Variants in UTRN observed in about 807,000 individuals in gnomAD.
UTRN encodes the protein utrophin, also known as dystrophin-related protein 1.
UTRN carries 283 observed loss-of-function variants against 463.9 expected under a neutral mutation model. The observed-to-expected ratio is 0.61, with a 90% CI of 0.55 to 0.67. The LOEUF (loss-of-function observed/expected upper bound fraction) is 0.67, where lower values mean the gene tolerates loss of function less well. Among genes scored for constraint, UTRN ranks in the 30% least tolerant of loss-of-function variants. The probability of loss-of-function intolerance (pLI) is 0.00; values close to 1 mark genes in which losing one functional copy is unlikely to be tolerated. For synonymous variants in UTRN, 1,442 were observed against 1,431.5 expected, an observed-to-expected ratio of 1.01 and a Z score of -0.17; for missense variants, 3,922 against 4,084.3, an observed-to-expected ratio of 0.96 and a Z score of 1.08.
At chr6:144,561,566 T>C (rs1445991591) in intron 50 of UTRN, among the ~76,000 whole-genome samples, 2 of 152,074 alleles carry the variant, frequency 1.3e-5, no homozygotes, top group Non-Finnish European at 1.5e-5. Context: ...ACCTTGCCTA[T>C]GTTAAGGTAT....
chr6:144,511,187 A>T, intron 35 of UTRN, 64 bp downstream of exon 35: 1 of 1,364,610 alleles, frequency 7.3e-7, no homozygotes, highest in Admixed American at 2.8e-5. Flanking sequence ...TTTTAAATGA[A>T]TACAACTTTG....
At chr6:144,776,826 A>T (rs1775366826) in intron 60 of UTRN, among the ~76,000 whole-genome samples, 1 of 152,188 alleles carries the variant, frequency 6.6e-6, no homozygotes, top group Non-Finnish European at 1.5e-5. Context: ...ATTAAAAGTA[A>T]TGGCAAAAAC....
chr6:144,783,195 CAAA>C (rs11354387), intron 61 of UTRN, among the ~76,000 whole-genome samples: 3 of 135,740 alleles, frequency 2.2e-5, no homozygotes, highest in Admixed American at 7.7e-5. Context: ...GACTCTGTCT[CAAA>C]AAAAAAAAAA....
intron 63 of UTRN, among the ~76,000 whole-genome samples, chr6:144,795,752 CT>C (rs1194915943): frequency 6.6e-6 from 1 of 151,838 alleles, no homozygotes; most frequent in Non-Finnish European, 1.5e-5. Flanking sequence ...TTTAAGTTCT[CT>C]GTAGATTCTG....
At chr6:144,546,430 A>G (rs543716971) in intron 46 of UTRN, among the ~76,000 whole-genome samples, 19 of 152,352 alleles carry the variant, frequency 1.2e-4, no homozygotes, top group African/African-American at 4.6e-4. Flanking sequence ...AAAATTTTCC[A>G]TTAATTCATT....
At chr6:144,579,737 A>G (rs371038755) in intron 51 of UTRN, among the ~76,000 whole-genome samples, 18 of 152,242 alleles carry the variant, frequency 1.2e-4, no homozygotes, top group African/African-American at 4.1e-4. Context: ...TTTATAAAAT[A>G]TAATACATTA....
chr6:144,561,205 T>TTATATATA (rs1162903466), intron 50 of UTRN, among the ~76,000 whole-genome samples: 6 of 60,200 alleles, frequency 1.0e-4, no homozygotes, highest in Admixed American at 2.2e-4. Context: ...AAAAATAACA[T>TTATATATA]TATATATATA....
chr6:144,736,622 C>T (rs1562840576), intron 54 of UTRN, among the ~76,000 whole-genome samples: 2 of 152,186 alleles, frequency 1.3e-5, no homozygotes, highest in African/African-American at 2.4e-5. Context: ...TCTCCATTAA[C>T]ATAAATCCTA....
At chr6:144,801,032 T>C (rs1464714727) in intron 64 of UTRN, among the ~76,000 whole-genome samples, 1 of 152,150 alleles carries the variant, frequency 6.6e-6, no homozygotes, top group Non-Finnish European at 1.5e-5. Context: ...CTCAGGAAAA[T>C]ACATAGGCGA....
intron 1 of UTRN, among the ~76,000 whole-genome samples, chr6:144,289,653 C>G (rs1804031546): frequency 6.6e-6 from 1 of 151,016 alleles, no homozygotes; most frequent in Non-Finnish European, 1.5e-5. Context: ...TTCCCACTTA[C>G]TTTATTTTTT....
rs3061626 is a variant in UTRN, at chr6:144,343,363, A to AACACACACACAC, written c.79+51492_79+51503dup. The stretch of plus-strand genomic sequence containing the variant: ...ACATGGTGAAATCCCGTCTCTACTA[A>AACACACACACAC]ACACACACACACACACACACACACA... On this transcript the variant is annotated intron_variant, in intron 2 of 74. Transcript: ENST00000367545. Among the ~76,000 whole-genome samples, 223 of 135,412 alleles carry AACACACACACAC rather than the reference A, an allele frequency of 1.6e-3. 1 individual carries two copies. The highest frequency in any genetic ancestry group is 5.9e-3 in the African/African-American group (207 of 35,042). 88.8% of individuals were successfully genotyped at this position (135,412 alleles called of 152,430 possible).
intron 54 of UTRN, among the ~76,000 whole-genome samples, chr6:144,744,683 A>G (rs1790517407): frequency 6.6e-6 from 1 of 151,740 alleles, no homozygotes; most frequent in Non-Finnish European, 1.5e-5. Context: ...CATAGGAAAA[A>G]AAAGTCTTCT....
At chr6:144,453,215 C>T (rs546143206) in intron 18 of UTRN, among the ~76,000 whole-genome samples, 18 of 152,152 alleles carry the variant, frequency 1.2e-4, no homozygotes, top group Admixed American at 2.0e-4. Context: ...CTCTGCCTCC[C>T]GGGTTCAAGC....
intron 68 of UTRN, among the ~76,000 whole-genome samples, chr6:144,828,086 T>C (rs1027839510): frequency 6.6e-6 from 1 of 152,146 alleles, no homozygotes; most frequent in Non-Finnish European, 1.5e-5. Context: ...CTAAATAATA[T>C]ATAGGCTGGT....
intron 53 of UTRN, among the ~76,000 whole-genome samples, chr6:144,709,135 A>G (rs1785393343): frequency 6.6e-6 from 1 of 152,182 alleles, no homozygotes; most frequent in South Asian, 2.1e-4. Flanking sequence ...GGGACATTCA[A>G]ACCATAGTAC....
intron 51 of UTRN, among the ~76,000 whole-genome samples, chr6:144,588,007 C>T (rs1202515675): frequency 6.6e-6 from 1 of 152,080 alleles, no homozygotes; most frequent in African/African-American, 2.4e-5. Context: ...GATGGGTTTG[C>T]CTCCATCTAA....
chr6:144,661,724 G>T (rs2128672468), intron 51 of UTRN, among the ~76,000 whole-genome samples: 1 of 152,268 alleles, frequency 6.6e-6, no homozygotes, highest in East Asian at 1.9e-4. Flanking sequence ...TAGACCCCCT[G>T]AGAGGCAGTA....
chr6:144,577,042 G>A (rs1801505008), intron 50 of UTRN, 57 bp from the exon 51 acceptor site: 1 of 1,547,668 alleles, frequency 6.5e-7, no homozygotes, highest in South Asian at 1.2e-5. Context: ...GATGCGTGAT[G>A]TGGAATGTCA....
chr6:144,321,832 C>T (rs1474594986), intron 2 of UTRN, among the ~76,000 whole-genome samples: 1 of 149,832 alleles, frequency 6.7e-6, no homozygotes, highest in African/African-American at 2.5e-5. Context: ...GTGGCGTGAT[C>T]TCCACTCATT....
Sources: allele counts gnomAD v4.1 joint callset (sites outside exome capture counted in the v4.1 genomes callset), GRCh38; gene constraint gnomAD v4.1.1; transcripts MANE v1.5; gene names NCBI Gene and HGNC (gene_info 2026-07-23, HGNC 2026-07-21).